The following TASOR variants were observed in gnomAD, a reference collection of about 807,000 sequenced individuals.
TASOR encodes the protein protein TASOR.
Under a neutral mutation model 178.6 loss-of-function variants are expected in TASOR, and 53 were observed. That is an observed-to-expected ratio of 0.30 (90% confidence interval 0.24 to 0.37). The LOEUF (loss-of-function observed/expected upper bound fraction) is 0.37. Ranked by LOEUF, TASOR falls within the 10% of genes least tolerant of loss-of-function variation. The pLI, the probability that TASOR is intolerant of heterozygous loss-of-function variation, is 1.00. For synonymous variants in TASOR, 713 were observed against 696.2 expected, an observed-to-expected ratio of 1.02 and a Z score of -0.38; for missense variants, 1,815 against 1,971.4, an observed-to-expected ratio of 0.92 and a Z score of 1.50.
At chr3:56,639,410 C>CA (rs66863926) in intron 16 of TASOR, among the ~76,000 whole-genome samples, 4,066 of 148,800 alleles carry the variant, frequency 0.027, 89 homozygotes, top group Non-Finnish European at 0.031. Flanking sequence ...AGAATGCTAC[C>CA]AAAAAAAAAA....
chr3:56,627,609 T>A lies in TASOR; in HGVS notation c.4003A>T (p.Ile1335Phe). ...ACTGTGACAACCTCTGGGTTTAGAATTGATTCATCAGATACGATAAAACCT... is the reference window on the plus strand; with the variant it reads ...ACTGTGACAACCTCTGGGTTTAGAAATGATTCATCAGATACGATAAAACCT... ...SGGFIVSDES[I>F]LNPEVVTVEN... Residue 1335 changes from isoleucine to phenylalanine, a missense_variant, in exon 20 of 24, where the codon ATT (isoleucine) becomes TTT (phenylalanine). Ile to Phe is a conservative substitution (Grantham distance 21). Transcript: ENST00000683822. The A allele has an allele frequency of 6.2e-7, 1 of 1,614,104 alleles. No homozygotes were observed. Among genetic ancestry groups the A allele is most frequent in the South Asian group, 1.1e-5 (1 of 91,060 alleles).
rs138888479 is a variant in TASOR at position 56,623,176 on chromosome 3, G to A, written c.4874C>T (p.Ala1625Val). The change falls in exon 24 of 24, where the codon GCC becomes GTC. Residue 1625 changes from alanine to valine, a missense_variant. This residue lies in a region of TASOR where 278 missense variants were observed against 257.1 expected (regional missense o/e 1.08). Transcript: ENST00000683822. ...TTCTTGAGACTGACTTGATGAAAGG[G>A]CATATGGTGTCCCCAAAAATGTCTG... ...THQTFLGTPY[A>V]LSSSQSQENE... 2.5e-6 allele frequency: 4 copies of A among 1,613,604 alleles called. No individual in the cohort carries two copies. In the African/African-American group the frequency reaches 5.3e-5, roughly 22 times the overall value.
At chr3:56,669,599 G>C in intron 5 of TASOR, 101 bp downstream of exon 5, 1 of 684,682 alleles carries the variant, frequency 1.5e-6, no homozygotes. Flanking sequence ...ACACTAACAA[G>C]CATGAACTTT....
At chr3:56,624,379 G>A (rs984362865) in intron 23 of TASOR, 100 bp downstream of exon 23, 1 of 1,174,880 alleles carries the variant, frequency 8.5e-7, no homozygotes, top group Non-Finnish European at 1.2e-6. Flanking sequence ...TTATACTGAG[G>A]TACGTGGTTT....
At chr3:56,673,381 G>A (rs751170085) in intron 2 of TASOR, among the ~76,000 whole-genome samples, 199 bp downstream of exon 2, 2 of 139,200 alleles carry the variant, frequency 1.4e-5, no homozygotes, top group Non-Finnish European at 3.0e-5. Context: ...GTAGTGAGCC[G>A]AGATCGCGCC....
At position 56,660,830 on chromosome 3, in the gene TASOR, C is replaced by T. The variant is rs1300531133; in HGVS notation, c.1269G>A (p.Leu423=). 6.2e-7 allele frequency: 1 copy of T among 1,613,228 alleles called. No individual in the cohort carries two copies. Among genetic ancestry groups the T allele is most frequent in the East Asian group, 2.2e-5 (1 of 44,826 alleles). ...AAAGGCTGCAATACATTCCATTCTT[C>T]AAAACTGACATAAGAAAAATACATA... ...KETYLGPNEV[L]KNGMYCSLYE... Residue 423 remains leucine, a synonymous_variant, in exon 11 of 24, where the codon TTG becomes TTA. Coordinates refer to ENST00000683822, the MANE Select transcript of TASOR (RefSeq NM_001365635.2).
chr3:56,683,170 C>T lies in TASOR; in HGVS notation c.-164G>A, dbSNP rs538757380. 6 of 730,210 alleles carry T rather than the reference C, an allele frequency of 8.2e-6. No individual in the cohort carries two copies. Among genetic ancestry groups the T allele is most frequent in the Non-Finnish European group, 1.3e-5 (6 of 465,256 alleles). 45.2% of individuals were successfully genotyped at this position (730,210 alleles called of 1,614,324 possible). A position where few individuals can be genotyped will look rare whatever the true frequency, so the allele number is the denominator to read the frequency against. On this transcript the variant is annotated 5_prime_UTR_variant, in exon 1 of 24. Coordinates refer to ENST00000683822, the MANE Select transcript of TASOR (RefSeq NM_001365635.2). ...CCCGACCTGGCAGCCTCTTGGGGGGCCCTGTAGCGGGCACCCCAAATGCGC... is the reference window on the plus strand; with the variant it reads ...CCCGACCTGGCAGCCTCTTGGGGGGTCCTGTAGCGGGCACCCCAAATGCGC...
chr3:56,627,863 A>G, intron 19 of TASOR, 122 bp from the exon 20 acceptor site: 1 of 793,620 alleles, frequency 1.3e-6, no homozygotes, highest in Non-Finnish European at 2.0e-6. Flanking sequence ...TTAGTGGATT[A>G]CCTCTGGAAA....
In TASOR at chr3:56,624,401, T is replaced by C. The variant is rs559978105; in HGVS notation, c.4483+78A>G. ...GAGGTACGTGGTTTCAAAATGGTCA[T>C]TTCATTATTTGGTAACAGCAAAACC... On this transcript the variant is annotated intron_variant, in intron 23 of 23. Coordinates refer to ENST00000683822, the MANE Select transcript of TASOR (RefSeq NM_001365635.2). 1.3e-4 allele frequency: 195 copies of C among 1,486,280 alleles called. No homozygotes were observed. The African/African-American group carries it at 2.6e-3, about 20-fold the overall frequency. The allele number at this position is 1,486,280 out of a possible 1,614,324, so 92.1% of individuals were successfully genotyped here.
chr3:56,681,813 T>A (rs899416618), intron 1 of TASOR, among the ~76,000 whole-genome samples: 3 of 152,206 alleles, frequency 2.0e-5, no homozygotes, highest in African/African-American at 7.2e-5. Context: ...ATTAACAATA[T>A]GGCATTAAGA....
Position 56,641,511 on chromosome 3 carries a change from G to C in TASOR, c.2457C>G (p.Thr819=). Residue 819 remains threonine, a synonymous_variant, in exon 15 of 24, where the codon ACC becomes ACG. Coordinates refer to ENST00000683822, the MANE Select transcript of TASOR (RefSeq NM_001365635.2). The part of the protein sequence containing the change: ...RQKHEYELNS[T]PDKKDYEQPT... ...GCTGCTCATAGTCTTTCTTATCTGG[G>C]GTAGAGTTCAACTCATACTCATGTT... 1 of 1,613,870 alleles carries C rather than the reference G, an allele frequency of 6.2e-7. No individual in the cohort carries two copies. Among genetic ancestry groups the C allele is most frequent in the East Asian group, 2.2e-5 (1 of 44,880 alleles).
chr3:56,623,571 AT>A lies in TASOR; in HGVS notation c.4484-6del. On this transcript the variant is annotated splice_region_variant and splice_polypyrimidine_tract_variant and intron_variant, in intron 23 of 23. Coordinates refer to ENST00000683822, the MANE Select transcript of TASOR (RefSeq NM_001365635.2). ...TTTCATCGTTTTCTAAAAGAGCTAC[AT>A]TTAAAAAACAAAAAGTCCTCCTCTA... The A allele has an allele frequency of 6.4e-7, 1 of 1,559,764 alleles. No homozygotes were observed. The highest frequency in any genetic ancestry group is 1.7e-4 in the Middle Eastern group (1 of 5,794).
At position 56,646,591 on chromosome 3, in the gene TASOR, C is replaced by A. The variant is rs762362184; in HGVS notation, c.2146G>T (p.Asp716Tyr). The change falls in exon 14 of 24, where the codon GAT becomes TAT. Residue 716 changes from aspartate to tyrosine, a missense_variant. This residue lies in a region of TASOR where 655 missense variants were observed against 671.1 expected (regional missense o/e 0.98). Coordinates refer to ENST00000683822, the MANE Select transcript of TASOR (RefSeq NM_001365635.2). ...AGCTTTCTCATATTTTCAGGTAGAT[C>A]CTCAAGCTTCCTCTTCAAGACAGTT... ...SKTVLKRKLE[D>Y]LPENMRKLAK... The A allele has an allele frequency of 6.2e-7, 1 of 1,612,972 alleles. No homozygotes were observed. The highest frequency in any genetic ancestry group is 1.7e-5 in the Admixed American group (1 of 59,924).
intron 4 of TASOR, 122 bp downstream of exon 4, chr3:56,669,951 T>C: frequency 1.1e-6 from 1 of 889,970 alleles, no homozygotes; most frequent in Non-Finnish European, 1.7e-6. Flanking sequence ...CTATGACTAG[T>C]CTTTTTCTGG....
intron 21 of TASOR, among the ~76,000 whole-genome samples, 179 bp downstream of exon 21, chr3:56,626,855 TCTA>T (rs1221835286): frequency 6.8e-6 from 1 of 148,086 alleles, no homozygotes; most frequent in Non-Finnish European, 1.5e-5. Flanking sequence ...TCAGCAAACT[TCTA>T]CTGAAAAATA....
At chr3:56,643,544 C>G (rs2077171429) in intron 14 of TASOR, among the ~76,000 whole-genome samples, 1 of 152,032 alleles carries the variant, frequency 6.6e-6, no homozygotes, top group Non-Finnish European at 1.5e-5. Flanking sequence ...GGGCGGATCA[C>G]AAGGTCAGGA....
intron 11 of TASOR, among the ~76,000 whole-genome samples, chr3:56,653,452 A>C (rs1166278419): frequency 1.4e-5 from 2 of 140,302 alleles, no homozygotes; most frequent in Non-Finnish European, 3.1e-5. Flanking sequence ...ATCAAAGACC[A>C]AAAAAAAAAA....
chr3:56,661,493 A>T (rs754371471), intron 9 of TASOR, among the ~76,000 whole-genome samples: 1 of 152,184 alleles, frequency 6.6e-6, no homozygotes, highest in Non-Finnish European at 1.5e-5. Context: ...AGATATATAC[A>T]TGGGTAGATA....
At chr3:56,631,640 C>A (rs964212002) in intron 18 of TASOR, among the ~76,000 whole-genome samples, 3 of 147,614 alleles carry the variant, frequency 2.0e-5, no homozygotes, top group Non-Finnish European at 4.5e-5. Context: ...CTGGAGTGCA[C>A]TGGCGTGATC....
Sources: gnomAD v4.1 joint callset for allele counts (sites outside exome capture counted in the v4.1 genomes callset) on GRCh38, gnomAD v4.1.1 for gene constraint, gnomAD v4.1.1 regional missense constraint, MANE v1.5 for transcripts, NCBI Gene and HGNC (gene_info 2026-07-23, HGNC 2026-07-21) for gene names.